The following WNT5B variants were observed in gnomAD, a reference collection of about 807,000 sequenced individuals.
The protein encoded by WNT5B is Wnt family member 5B, also known as protein Wnt-5b.
A neutral mutation model predicts 36.5 loss-of-function variants in WNT5B; 18 were observed. The ratio of observed to expected loss-of-function variants is 0.49; its 90% CI spans 0.34 to 0.73. WNT5B has a LOEUF of 0.73. WNT5B is among the 30% of genes least tolerant of loss of function. The probability of loss-of-function intolerance (pLI) is 0.01; values close to 1 mark genes in which losing one functional copy is unlikely to be tolerated. For missense variants in WNT5B, 424 were observed against 508.4 expected (o/e 0.83, Z 1.60); for synonymous variants, 213 against 212.3 (o/e 1.00, Z -0.03).
chr12:1,622,108 T>G (rs926725369), intron 1 of WNT5B, among the ~76,000 whole-genome samples: 39 of 21,058 alleles, frequency 1.9e-3, no homozygotes, highest in South Asian at 6.5e-3. Flanking sequence ...CTGACACTTC[T>G]TTTTTTTTTT....
At chr12:1,621,334 A>G (rs2094533575) in intron 1 of WNT5B, among the ~76,000 whole-genome samples, 1 of 152,144 alleles carries the variant, frequency 6.6e-6, no homozygotes, top group Admixed American at 6.5e-5. Context: ...TGTGTAATCA[A>G]TCAGCATTTT....
In WNT5B at chr12:1,644,011, T is replaced by G. The variant is rs1263283200; in HGVS notation, c.622-1783T>G. Reference sequence around the variant, plus strand: ...CTCTCCTTCCCCAACTCTGTCTGAGTGTTTGCCCCTGCAAGAGATGCTTAT... The same window carrying G: ...CTCTCCTTCCCCAACTCTGTCTGAGGGTTTGCCCCTGCAAGAGATGCTTAT... On this transcript the variant is annotated intron_variant, in intron 4 of 4. Transcript: ENST00000397196. This position sits in a 1 kb window ranked among gnomAD's most constrained non-coding sequence, Gnocchi z 5.1. Among the ~76,000 whole-genome samples, 1 of 152,074 alleles carries G rather than the reference T, an allele frequency of 6.6e-6. No homozygotes were observed. Among genetic ancestry groups the G allele is most frequent in the Non-Finnish European group, 1.5e-5 (1 of 68,036 alleles).
intron 1 of WNT5B, among the ~76,000 whole-genome samples, chr12:1,619,669 A>G (rs1341086143): frequency 6.6e-6 from 1 of 152,138 alleles, no homozygotes; most frequent in African/African-American, 2.4e-5. Context: ...AAAGTGAGAC[A>G]GAGGGTGATT....
At chr12:1,621,052 C>T (rs2094533274) in intron 1 of WNT5B, among the ~76,000 whole-genome samples, 1 of 8,288 alleles carries the variant, frequency 1.2e-4, no homozygotes, top group South Asian at 4.6e-3. Flanking sequence ...TTTATCCTTT[C>T]AAGAGATAAG....
chr12:1,620,544 G>GTT (rs111366537), intron 1 of WNT5B, among the ~76,000 whole-genome samples: 2 of 143,792 alleles, frequency 1.4e-5, no homozygotes, highest in Non-Finnish European at 1.5e-5. Context: ...TTTTGTTGTT[G>GTT]TTTTTTTTTT....
chr12:1,645,675 C>CT (rs1026116518), intron 4 of WNT5B, 119 bp from the exon 5 acceptor site: 36 of 891,724 alleles, frequency 4.0e-5, no homozygotes, highest in Non-Finnish European at 5.4e-5. Flanking sequence ...ATTTGAAAAG[C>CT]TATCTATCCC....
At position 1,633,222 on chromosome 12, in the gene WNT5B, G is replaced by C. The variant is rs1409026013; in HGVS notation, c.328+317G>C. On this transcript the variant is annotated intron_variant, in intron 3 of 4. Transcript: ENST00000397196. The surrounding 1 kb of genome is among the most constrained non-coding windows in gnomAD (Gnocchi z 4.8). Reference sequence around the variant, plus strand: ...GGGGCAGGACATCTGAGTTGACTTAGAGTGGATTAGGAGAGCCGCCCACCG... The same window carrying C: ...GGGGCAGGACATCTGAGTTGACTTACAGTGGATTAGGAGAGCCGCCCACCG... Among the ~76,000 whole-genome samples the C allele has an allele frequency of 2.6e-5, 4 of 152,128 alleles. No homozygotes were observed. The highest frequency in any genetic ancestry group is 7.2e-5 in the African/African-American group (3 of 41,436).
intron 3 of WNT5B, among the ~76,000 whole-genome samples, chr12:1,638,053 C>T (rs1195955524): frequency 6.6e-6 from 1 of 152,196 alleles, no homozygotes; most frequent in Non-Finnish European, 1.5e-5. Flanking sequence ...TCGAGACCAT[C>T]CTGGCTAACA....
In WNT5B at chr12:1,618,703, C is replaced by G. The variant is rs1224355696; in HGVS notation, c.-58+1560C>G. 6.6e-6 allele frequency among the ~76,000 whole-genome samples: 1 copy of G among 152,156 alleles called. No homozygotes were observed. The highest frequency in any genetic ancestry group is 1.5e-5 in the Non-Finnish European group (1 of 68,048). ...ACTTCCAGTGGACTTTTGCTTGATACCTGGGGAGAAAATTGTGCTTTTCCA... is the reference window on the plus strand; with the variant it reads ...ACTTCCAGTGGACTTTTGCTTGATAGCTGGGGAGAAAATTGTGCTTTTCCA... On this transcript the variant is annotated intron_variant, in intron 1 of 4. Transcript: ENST00000310594. This position sits in a 1 kb window ranked among gnomAD's most constrained non-coding sequence, Gnocchi z 4.1.
At position 1,631,314 on chromosome 12, in the gene WNT5B, A is replaced by G. The variant is rs193190650; in HGVS notation, c.-41A>G. The G allele has an allele frequency of 1.1e-3, 1,801 of 1,610,692 alleles. 22 individuals carry two copies. In the Admixed American group the frequency reaches 0.022, roughly 19 times the overall value. On this transcript the variant is annotated 5_prime_UTR_variant, in exon 2 of 5. Transcript: ENST00000397196. The stretch of plus-strand genomic sequence containing the variant: ...TTTCTCCAGGGAACCCTACTCTGGA[A>G]ACTGTCAGTCCCAGGGCACTGGGGA...
chr12:1,623,349 C>G (rs571887720), intron 1 of WNT5B, among the ~76,000 whole-genome samples: 1 of 151,336 alleles, frequency 6.6e-6, no homozygotes, highest in East Asian at 1.9e-4. Flanking sequence ...GCGCCCACCA[C>G]CACACCCAGC....
intron 1 of WNT5B, among the ~76,000 whole-genome samples, chr12:1,623,675 C>T (rs1758510792): frequency 6.6e-6 from 1 of 152,164 alleles, no homozygotes; most frequent in Admixed American, 6.5e-5. Context: ...AAATGTCCCT[C>T]CACGTTCTCT....
In WNT5B at chr12:1,641,565, G is replaced by A. The variant is rs2094575417; in HGVS notation, c.621+1589G>A. ...TGCCTGTAATCCCAACACTTTGGGA[G>A]GCTGAGGCGGGTGGATCACCTGAGG... On this transcript the variant is annotated intron_variant, in intron 4 of 4. Coordinates refer to ENST00000397196, the MANE Select transcript of WNT5B (RefSeq NM_032642.3). 2.6e-5 allele frequency among the ~76,000 whole-genome samples: 4 copies of A among 152,276 alleles called. No homozygotes were observed. In the South Asian group the frequency reaches 6.2e-4, roughly 24 times the overall value.
intron 1 of WNT5B, among the ~76,000 whole-genome samples, chr12:1,617,607 A>C (rs4765833): frequency 0.8 from 121,233 of 151,692 alleles, 49,162 homozygotes; most frequent in Middle Eastern, 0.87. Context: ...GTCCAGCCTG[A>C]GCAACACAGT....
intron 3 of WNT5B, among the ~76,000 whole-genome samples, chr12:1,637,207 A>G (rs907108743): frequency 1.3e-5 from 2 of 152,036 alleles, no homozygotes; most frequent in Admixed American, 6.6e-5. Flanking sequence ...TTGATTACCC[A>G]TTTATCCGCT....
In WNT5B at chr12:1,631,375, G is replaced by A. The variant is rs1276458205; in HGVS notation, c.21G>A (p.Leu7=). MPSLLL[L]FTAALLSSWA... ...CGACCATGCCCAGCCTGCTGCTGCT[G>A]TTCACGGCTGCTCTGCTGTCCAGCT... The change falls in exon 2 of 5, where the codon CTG becomes CTA. Residue 7 remains leucine (L), a synonymous_variant. Transcript: ENST00000397196. 1 of 1,614,172 alleles carries A rather than the reference G, an allele frequency of 6.2e-7. No individual in the cohort carries two copies. The highest frequency in any genetic ancestry group is 2.2e-5 in the East Asian group (1 of 44,886).
intron 3 of WNT5B, among the ~76,000 whole-genome samples, chr12:1,638,096 A>G (rs529607668): frequency 6.6e-6 from 1 of 152,266 alleles, no homozygotes; most frequent in African/African-American, 2.4e-5. Context: ...AAAACACAAA[A>G]AATTAGCTGG....
Position 1,647,005 on chromosome 12 carries a change from C to T in WNT5B, c.*753C>T, listed in dbSNP as rs1460582102. The T allele has an allele frequency of 6.6e-6, 1 of 152,224 alleles. No homozygotes were observed. Among genetic ancestry groups the T allele is most frequent in the Non-Finnish European group, 1.5e-5 (1 of 68,078 alleles). 9.4% of individuals were successfully genotyped at this position (152,224 alleles called of 1,614,324 possible). ...ATGTTTGCGCCTGGGCTGCAGAAGCCAGGGTGCATGACCAGGCTGCGTGGA... is the reference window on the plus strand; with the variant it reads ...ATGTTTGCGCCTGGGCTGCAGAAGCTAGGGTGCATGACCAGGCTGCGTGGA... On this transcript the variant is annotated 3_prime_UTR_variant, in exon 5 of 5. Transcript: ENST00000397196.
intron 3 of WNT5B, among the ~76,000 whole-genome samples, chr12:1,638,551 G>C (rs1336992078): frequency 6.6e-6 from 1 of 152,220 alleles, no homozygotes; most frequent in Non-Finnish European, 1.5e-5. Context: ...GGGCTTGCAT[G>C]TCCCTGATAG....
Sources: allele counts gnomAD v4.1 joint callset (sites outside exome capture counted in the v4.1 genomes callset), GRCh38; gene constraint gnomAD v4.1.1; non-coding constraint Gnocchi (gnomAD v3.1); transcripts MANE v1.5; gene names NCBI Gene and HGNC (gene_info 2026-07-23, HGNC 2026-07-21).